The following ATP2C1 variants were observed in gnomAD, a reference collection of about 807,000 sequenced individuals.
ATP2C1 encodes the protein ATPase secretory pathway Ca2+ transporting 1, also known as calcium-transporting ATPase type 2C member 1.
A neutral mutation model predicts 120.5 loss-of-function variants in ATP2C1; 31 were observed. The observed-to-expected ratio is 0.26, with a 90% confidence interval of 0.19 to 0.35. ATP2C1 has a LOEUF of 0.35. Among genes scored for constraint, ATP2C1 ranks in the 10% least tolerant of loss-of-function variants. The pLI is 1.00. For synonymous variants in ATP2C1, 351 were observed against 358.7 expected (o/e 0.98, Z 0.24); for missense variants, 731 against 1,107.5 (o/e 0.66, Z 4.83).
rs754534359 is a variant in ATP2C1 at position 130,997,628 on chromosome 3, A to C, written c.2266A>C (p.Lys756Gln). The C allele has an allele frequency of 3.1e-6, 5 of 1,613,588 alleles. No individual in the cohort carries two copies. Among genetic ancestry groups the C allele is most frequent in the Non-Finnish European group, 4.2e-6 (5 of 1,179,728 alleles). The part of the protein sequence containing the change: ...AQSLGVEPVD[K>Q]DVIRKPPRNW... Reference sequence around the variant, plus strand: ...AAGCCTTGGAGTAGAACCAGTGGATAAAGATGTCATTCGTAAACCTCCTCG... The same window carrying C: ...AAGCCTTGGAGTAGAACCAGTGGATCAAGATGTCATTCGTAAACCTCCTCG... The change falls in exon 25 of 28, where the codon AAA becomes CAA. Residue 756 changes from lysine (K) to glutamine (Q), a missense_variant. Physicochemically the swap from Lys to Gln is moderately conservative, Grantham distance 53. Transcript: ENST00000510168.
intron 4 of ATP2C1, among the ~76,000 whole-genome samples, chr3:130,932,584 G>T (rs540821940): frequency 6.6e-6 from 1 of 152,176 alleles, no homozygotes; most frequent in Non-Finnish European, 1.5e-5. Context: ...CTATAAAATG[G>T]TGATGATAAC....
chr3:130,864,690 A>G (rs925953314), intron 1 of ATP2C1, among the ~76,000 whole-genome samples: 1 of 152,222 alleles, frequency 6.6e-6, no homozygotes, highest in Non-Finnish European at 1.5e-5. Flanking sequence ...TGTACAGCTC[A>G]GGCTATGGCT....
intron 2 of ATP2C1, among the ~76,000 whole-genome samples, chr3:130,926,557 T>A (rs764311632): frequency 6.6e-6 from 1 of 152,246 alleles, no homozygotes; most frequent in African/African-American, 2.4e-5. Context: ...TAGACAAAAC[T>A]AGCACTGCTG....
At chr3:130,876,665 G>C (rs2068614291) in intron 1 of ATP2C1, among the ~76,000 whole-genome samples, 1 of 152,054 alleles carries the variant, frequency 6.6e-6, no homozygotes, top group Non-Finnish European at 1.5e-5. Flanking sequence ...AATGTCGTTG[G>C]TATTTTAATT....
intron 2 of ATP2C1, chr3:130,918,914 C>G (rs1326470742): frequency 6.1e-6 from 2 of 327,086 alleles, no homozygotes. Flanking sequence ...ATGGCGTGAA[C>G]CCGGGAGGCG....
rs2108520142 is a variant in ATP2C1 at position 130,950,183 on chromosome 3, A to T, written c.532-3638A>T. Among the ~76,000 whole-genome samples, 3 of 152,232 alleles carry T rather than the reference A, an allele frequency of 2.0e-5. No homozygotes were observed. The South Asian group carries it at 6.2e-4, about 32-fold the overall frequency. ...CAATCATTTTTATTGTGTACATGTT[A>T]AATATTTAGACTGTGGATTATATAG... On this transcript the variant is annotated intron_variant, in intron 8 of 27. Coordinates refer to ENST00000510168, the MANE Select transcript of ATP2C1 (RefSeq NM_001378687.1).
intron 2 of ATP2C1, among the ~76,000 whole-genome samples, chr3:130,908,650 A>G (rs999444766): frequency 1.9e-4 from 29 of 152,248 alleles, no homozygotes; most frequent in Admixed American, 4.6e-4. Flanking sequence ...CTGAAAAATC[A>G]TTAAGAATGA....
At chr3:130,948,754 T>C (rs558603235) in intron 8 of ATP2C1, among the ~76,000 whole-genome samples, 10 of 152,334 alleles carry the variant, frequency 6.6e-5, no homozygotes, top group Admixed American at 3.9e-4. Flanking sequence ...GCAAGTCTGT[T>C]GGCACCATTT....
chr3:130,916,244 C>CA (rs577230633), intron 2 of ATP2C1, among the ~76,000 whole-genome samples: 5,383 of 82,762 alleles, frequency 0.065, 201 homozygotes, highest in African/African-American at 0.15. Flanking sequence ...TGTCTCTACT[C>CA]AAAAAAAAAA....
intron 2 of ATP2C1, among the ~76,000 whole-genome samples, chr3:130,921,362 A>C (rs1416120672): frequency 6.6e-6 from 1 of 152,158 alleles, no homozygotes; most frequent in Admixed American, 6.5e-5. Context: ...GATTATAGGC[A>C]TGGGCCACTG....
intron 7 of ATP2C1, 47 bp from the exon 8 acceptor site, chr3:130,941,544 A>G (rs1021658725): frequency 2.7e-6 from 4 of 1,471,022 alleles, no homozygotes; most frequent in Non-Finnish European, 2.9e-6. Context: ...GACAAGTTGC[A>G]TGAATTTTTT....
chr3:130,878,982 A>T (rs2068695539), intron 1 of ATP2C1, among the ~76,000 whole-genome samples: 1 of 152,148 alleles, frequency 6.6e-6, no homozygotes, highest in South Asian at 2.1e-4. Context: ...TTCTGTTGGG[A>T]CCATTCAACA....
intron 22 of ATP2C1, among the ~76,000 whole-genome samples, chr3:130,995,510 T>C (rs548312787): frequency 4.6e-5 from 7 of 150,866 alleles, no homozygotes; most frequent in Admixed American, 4.6e-4. Flanking sequence ...TGTTGAAGTA[T>C]CTTCTTCAGA....
Position 130,992,968 on chromosome 3 carries a change from A to G in ATP2C1, c.1857A>G (p.Arg619=), listed in dbSNP as rs1456072728. The G allele has an allele frequency of 6.2e-7, 1 of 1,612,776 alleles. No individual in the cohort carries two copies. The highest frequency in any genetic ancestry group is 1.7e-5 in the Admixed American group (1 of 60,012). ...QIVPKVAVFY[R]ASPRHKMKII... is the part of the protein sequence containing the mutation. ...TTTAACAGGTTGCAGTATTTTACAGAGCTAGCCCAAGGCACAAGATGAAAA... is the reference window on the plus strand; with the variant it reads ...TTTAACAGGTTGCAGTATTTTACAGGGCTAGCCCAAGGCACAAGATGAAAA... Residue 619 remains arginine, a synonymous_variant, in exon 21 of 28, where the codon AGA becomes AGG. Transcript: ENST00000510168.
At chr3:130,988,006 C>A (rs2062106246) in intron 20 of ATP2C1, among the ~76,000 whole-genome samples, 1 of 152,150 alleles carries the variant, frequency 6.6e-6, no homozygotes, top group African/African-American at 2.4e-5. Flanking sequence ...CTCTTTCATT[C>A]TTCTTTTTCT....
chr3:130,985,387 C>A (rs2061953352), intron 20 of ATP2C1, among the ~76,000 whole-genome samples: 2 of 152,038 alleles, frequency 1.3e-5, no homozygotes, highest in South Asian at 4.1e-4. Context: ...AATCCCAGCA[C>A]TTTGGGAGGC....
At chr3:130,873,406 T>C (rs900116261) in intron 1 of ATP2C1, among the ~76,000 whole-genome samples, 2 of 152,224 alleles carry the variant, frequency 1.3e-5, no homozygotes, top group Non-Finnish European at 2.9e-5. Flanking sequence ...TACTTCGCAA[T>C]GTTTTGAGCA....
intron 18 of ATP2C1, among the ~76,000 whole-genome samples, chr3:130,978,059 C>T (rs1014575591): frequency 6.6e-6 from 1 of 152,146 alleles, no homozygotes; most frequent in African/African-American, 2.4e-5. Flanking sequence ...GCCACCCCTC[C>T]ATTAGGAGTG....
rs114914557 is a variant in ATP2C1 at position 130,968,708 on chromosome 3, C to T, written c.1309-584C>T. On this transcript the variant is annotated intron_variant, in intron 16 of 27. Transcript: ENST00000510168. The stretch of plus-strand genomic sequence containing the variant: ...ACATGTTTCAGTAGAAAGTAGAAAG[C>T]AATACATGGTAGAATTTTGAGTAGT... Among the ~76,000 whole-genome samples, 580 of 152,138 alleles carry T rather than the reference C, an allele frequency of 3.8e-3. 1 individual carries two copies. The highest frequency in any genetic ancestry group is 6.2e-3 in the Non-Finnish European group (423 of 67,990).
Sources: allele counts gnomAD v4.1 joint callset (sites outside exome capture counted in the v4.1 genomes callset), GRCh38; gene constraint gnomAD v4.1.1; transcripts MANE v1.5; gene names NCBI Gene and HGNC (gene_info 2026-07-23, HGNC 2026-07-21).